Variants in COX18 observed in about 807,000 individuals in gnomAD.
COX18 encodes cytochrome c oxidase assembly protein COX18, mitochondrial.
A neutral mutation model predicts 38.0 loss-of-function variants in COX18; 45 were observed. The ratio of observed to expected loss-of-function variants is 1.18; its 90% confidence interval spans 0.93 to 1.52. The LOEUF (loss-of-function observed/expected upper bound fraction) is 1.52. Among genes scored for constraint, COX18 ranks in the 40% most tolerant of loss-of-function variants. The probability of loss-of-function intolerance (pLI) is 0.00; values close to 1 mark genes in which losing one functional copy is unlikely to be tolerated. For missense variants in COX18, 462 were observed against 423.8 expected, an observed-to-expected ratio of 1.09 and a Z score of -0.79; for synonymous variants, 177 against 169.8, an observed-to-expected ratio of 1.04 and a Z score of -0.33.
intron 5 of COX18, among the ~76,000 whole-genome samples, chr4:73,060,647 G>A (rs1384171887): frequency 3.9e-5 from 6 of 152,068 alleles, no homozygotes; most frequent in African/African-American, 9.7e-5. Context: ...TTGGGAGGCC[G>A]AGGCGGGTGG....
rs1362391613 is a variant in COX18, at chr4:73,054,187, G to A, written c.*3927C>T. 1 of 152,294 alleles carries A rather than the reference G, an allele frequency of 6.6e-6. No individual in the cohort carries two copies. Among genetic ancestry groups the A allele is most frequent in the Non-Finnish European group, 1.5e-5 (1 of 68,112 alleles). 9.4% of individuals were successfully genotyped at this position (152,294 alleles called of 1,614,324 possible). The stretch of plus-strand genomic sequence containing the variant: ...CCAGCGCAGAGCCTCAGCAACTGAG[G>A]GGATATAGGCAAGCCAGACAGCAAG... On this transcript the variant is annotated 3_prime_UTR_variant, in exon 6 of 6. Coordinates refer to ENST00000507544, the MANE Select transcript of COX18 (RefSeq NM_001297732.2).
rs1719815792 is a variant in COX18, at chr4:73,054,283, G to A, written c.*3831C>T. The A allele has an allele frequency of 6.6e-6, 1 of 152,154 alleles. No homozygotes were observed. Among genetic ancestry groups the A allele is most frequent in the Admixed American group, 6.5e-5 (1 of 15,274 alleles). The allele number at this position is 152,154 out of a possible 1,614,324, so 9.4% of individuals were successfully genotyped here. A position where few individuals can be genotyped will look rare whatever the true frequency, so the allele number is the denominator to read the frequency against. ...CTGACTTCATTCAGGTTCTGGAACT[G>A]CTCCAGGCTATGACAAACTGTTAGA... On this transcript the variant is annotated 3_prime_UTR_variant, in exon 6 of 6. Coordinates refer to ENST00000507544, the MANE Select transcript of COX18 (RefSeq NM_001297732.2).
In COX18 at chr4:73,055,069, A is replaced by G. The variant is rs1459758085; in HGVS notation, c.*3045T>C. ...TTTCCCTCATGCCATTATGAGAAAAATATCTGAGTGTACTCACTCAGTAAC... is the reference window on the plus strand; with the variant it reads ...TTTCCCTCATGCCATTATGAGAAAAGTATCTGAGTGTACTCACTCAGTAAC... On this transcript the variant is annotated 3_prime_UTR_variant, in exon 6 of 6. Transcript: ENST00000507544. The G allele has an allele frequency of 2.6e-5, 4 of 152,254 alleles. No individual in the cohort carries two copies. The highest frequency in any genetic ancestry group is 5.9e-5 in the Non-Finnish European group (4 of 68,042). The allele number at this position is 152,254 out of a possible 1,614,324, so 9.4% of individuals were successfully genotyped here.
chr4:73,060,046 C>A (rs1328337978), intron 5 of COX18, among the ~76,000 whole-genome samples: 1 of 152,196 alleles, frequency 6.6e-6, no homozygotes, highest in Non-Finnish European at 1.5e-5. Context: ...GCACCCTTTT[C>A]TATTCCTGCA....
At chr4:73,061,532 C>A (rs540299224) in intron 5 of COX18, among the ~76,000 whole-genome samples, 1 of 151,974 alleles carries the variant, frequency 6.6e-6, no homozygotes, top group South Asian at 2.1e-4. Flanking sequence ...TATGGTGAAA[C>A]CCCGTCTCTA....
intron 5 of COX18, among the ~76,000 whole-genome samples, chr4:73,060,059 A>G (rs1431818462): frequency 6.6e-6 from 1 of 152,216 alleles, no homozygotes; most frequent in African/African-American, 2.4e-5. Context: ...TTCCTGCATG[A>G]TAACAAGCTC....
At chr4:73,066,308 A>G (rs1430569924) in intron 2 of COX18, among the ~76,000 whole-genome samples, 2 of 152,144 alleles carry the variant, frequency 1.3e-5, no homozygotes, top group Non-Finnish European at 2.9e-5. Flanking sequence ...GAAGTACTGT[A>G]TTATATCATC....
At position 73,069,257 on chromosome 4, in the gene COX18, G is replaced by A. The variant is rs762270664; in HGVS notation, c.333+60C>T. The A allele has an allele frequency of 1.2e-4, 150 of 1,277,134 alleles. 1 individual carries two copies. Among genetic ancestry groups the A allele is most frequent in the Admixed American group, 1.2e-3 (41 of 34,978 alleles). 79.1% of individuals were successfully genotyped at this position (1,277,134 alleles called of 1,614,324 possible). On this transcript the variant is annotated intron_variant, in intron 1 of 5. Coordinates refer to ENST00000507544, the MANE Select transcript of COX18 (RefSeq NM_001297732.2). ...CGATCGAAAACCCTGAGTGAATGTC[G>A]GCCTTCCTCCGCCGCAGGGGTTGCA...
intron 5 of COX18, among the ~76,000 whole-genome samples, chr4:73,059,004 C>T (rs2110046818): frequency 6.6e-6 from 1 of 152,198 alleles, no homozygotes; most frequent in East Asian, 1.9e-4. Flanking sequence ...CTATGAGAAT[C>T]TAATGCTGCT....
At position 73,058,341 on chromosome 4, in the gene COX18, G is replaced by C. The variant is rs986003182; in HGVS notation, c.832-54C>G. ...TCTGTAATTCTACAAGGACATCACA[G>C]TCCAGACAATAAAAAATAAAATGAC... On this transcript the variant is annotated intron_variant, in intron 5 of 5. Coordinates refer to ENST00000507544, the MANE Select transcript of COX18 (RefSeq NM_001297732.2). The C allele has an allele frequency of 3.7e-5, 48 of 1,280,862 alleles. No individual in the cohort carries two copies. In the African/African-American group the frequency reaches 6.5e-4, roughly 17 times the overall value. 79.3% of individuals were successfully genotyped at this position (1,280,862 alleles called of 1,614,324 possible).
At chr4:73,067,954 A>ATGTGTGTG (rs10610509) in intron 2 of COX18, 75 bp downstream of exon 2, 7 of 597,456 alleles carry the variant, frequency 1.2e-5, no homozygotes, top group Admixed American at 8.0e-5. Flanking sequence ...CAATTTATGT[A>ATGTGTGTG]TGTGTGTGTG....
At chr4:73,063,519 A>G (rs1233689550) in intron 4 of COX18, among the ~76,000 whole-genome samples, 1 of 152,296 alleles carries the variant, frequency 6.6e-6, no homozygotes, top group East Asian at 1.9e-4. Flanking sequence ...GCTTCCAAGT[A>G]GCTGGAACTA....
At position 73,067,864 on chromosome 4, in the gene COX18, AAT is replaced by A. The variant is rs1377330345; in HGVS notation, c.434+163_434+164del. Among the ~76,000 whole-genome samples, 60 of 20,020 alleles carry A rather than the reference AAT, an allele frequency of 3.0e-3. 1 individual carries two copies. Among genetic ancestry groups the A allele is most frequent in the African/African-American group, 5.4e-3 (59 of 11,018 alleles). 13.1% of individuals were successfully genotyped at this position (20,020 alleles called of 152,430 possible). On this transcript the variant is annotated intron_variant, in intron 2 of 5. Transcript: ENST00000507544. ...CTCAAAAAAAAAAAAAAAAAAAAAA[AAT>A]ATATATATATATATATATAAAAAAA...
chr4:73,061,535 CG>C (rs1379517989), intron 5 of COX18, among the ~76,000 whole-genome samples: 4 of 151,848 alleles, frequency 2.6e-5, no homozygotes, highest in South Asian at 4.2e-4. Flanking sequence ...GGTGAAACCC[CG>C]TCTCTACCAA....
chr4:73,063,328 C>T (rs1027621966), intron 4 of COX18, among the ~76,000 whole-genome samples: 12 of 152,140 alleles, frequency 7.9e-5, no homozygotes, highest in Middle Eastern at 3.4e-3. Flanking sequence ...AACAAACAAA[C>T]AAACAAAAAA....
intron 5 of COX18, among the ~76,000 whole-genome samples, chr4:73,061,592 C>G (rs2110050709): frequency 6.6e-6 from 1 of 151,976 alleles, no homozygotes; most frequent in East Asian, 1.9e-4. Context: ...CCTGTAGTCC[C>G]AGCTACTCAG....
chr4:73,069,667 G>A lies in COX18; in HGVS notation c.-18C>T. On this transcript the variant is annotated 5_prime_UTR_variant, in exon 1 of 6. Transcript: ENST00000507544. The stretch of plus-strand genomic sequence containing the variant: ...CACAGCATTTCTGCACCACGGCGGA[G>A]CCCAGATCCCGGGCCTCACAATCCA... 1.9e-6 allele frequency: 3 copies of A among 1,540,484 alleles called. No individual in the cohort carries two copies. The highest frequency in any genetic ancestry group is 2.6e-6 in the Non-Finnish European group (3 of 1,148,452).
chr4:73,060,012 T>C (rs1201983916), intron 5 of COX18, among the ~76,000 whole-genome samples: 1 of 152,194 alleles, frequency 6.6e-6, no homozygotes, highest in Non-Finnish European at 1.5e-5. Context: ...CAAGTCTCCT[T>C]AAAAGGGGCT....
chr4:73,067,436 A>C (rs989950301), intron 2 of COX18, among the ~76,000 whole-genome samples: 1 of 152,194 alleles, frequency 6.6e-6, no homozygotes, highest in Non-Finnish European at 1.5e-5. Context: ...CTTTTTCAAT[A>C]GGCTGGAATC....
Sources: gnomAD v4.1 joint callset for allele counts (sites outside exome capture counted in the v4.1 genomes callset) on GRCh38, gnomAD v4.1.1 for gene constraint, MANE v1.5 for transcripts, NCBI Gene and HGNC (gene_info 2026-07-23, HGNC 2026-07-21) for gene names.